CACNA2D1: variants seen among roughly 807,000 people sequenced by gnomAD.
The protein encoded by CACNA2D1 is calcium voltage-gated channel auxiliary subunit alpha2delta 1, also known as voltage-dependent calcium channel subunit alpha-2/delta-1.
A neutral mutation model predicts 171.5 loss-of-function variants in CACNA2D1; 53 were observed. That is an observed-to-expected ratio of 0.31 (90% confidence interval 0.25 to 0.39). The LOEUF is 0.39. Ranked by LOEUF, CACNA2D1 falls within the 10% of genes least tolerant of loss-of-function variation. CACNA2D1 has a pLI of 1.00. For synonymous variants in CACNA2D1, 442 were observed against 443.1 expected (o/e 1.00, Z 0.03); for missense variants, 903 against 1,299.8 (o/e 0.69, Z 4.69).
chr7:82,110,553 T>A (rs1293138922), intron 6 of CACNA2D1, among the ~76,000 whole-genome samples: 1 of 152,202 alleles, frequency 6.6e-6, no homozygotes, highest in Non-Finnish European at 1.5e-5. Context: ...TCAGAGTCTT[T>A]GCAATCGTCC....
At chr7:82,059,491 A>C (rs2131370468) in intron 10 of CACNA2D1, among the ~76,000 whole-genome samples, 1 of 151,480 alleles carries the variant, frequency 6.6e-6, no homozygotes, top group Middle Eastern at 3.4e-3. Flanking sequence ...TAATGAATAG[A>C]AAATGCCATA....
chr7:81,972,655 A>C (rs936291406), intron 25 of CACNA2D1, among the ~76,000 whole-genome samples: 3 of 151,942 alleles, frequency 2.0e-5, no homozygotes, highest in African/African-American at 7.2e-5. Flanking sequence ...TGTATTCTTA[A>C]ACAAAAACCT....
chr7:81,997,612 A>G (rs1798176260), intron 18 of CACNA2D1, among the ~76,000 whole-genome samples: 2 of 151,454 alleles, frequency 1.3e-5, no homozygotes, highest in Admixed American at 6.6e-5. Context: ...CATTTGGATG[A>G]CTTATTTGGT....
At chr7:82,305,835 C>T (rs1813662909) in intron 3 of CACNA2D1, among the ~76,000 whole-genome samples, 1 of 152,090 alleles carries the variant, frequency 6.6e-6, no homozygotes, top group Non-Finnish European at 1.5e-5. Flanking sequence ...GCAACGTAAC[C>T]AAAAGCTCTT....
At chr7:82,154,945 G>A (rs1794226725) in intron 4 of CACNA2D1, among the ~76,000 whole-genome samples, 1 of 152,182 alleles carries the variant, frequency 6.6e-6, no homozygotes, top group East Asian at 1.9e-4. Flanking sequence ...AGAGGTGACT[G>A]GATCATGGGG....
chr7:82,403,087 T>C (rs1205553438), intron 1 of CACNA2D1, among the ~76,000 whole-genome samples: 8 of 152,122 alleles, frequency 5.3e-5, no homozygotes, highest in African/African-American at 1.9e-4. Context: ...CTAAATGTTC[T>C]AACTTAGAAT....
intron 3 of CACNA2D1, among the ~76,000 whole-genome samples, chr7:82,330,018 T>C (rs767614613): frequency 1.3e-5 from 2 of 151,940 alleles, no homozygotes; most frequent in Non-Finnish European, 2.9e-5. Context: ...GCCTAATACA[T>C]AAGAGTCATC....
chr7:82,184,778 A>G (rs961026668), intron 3 of CACNA2D1, among the ~76,000 whole-genome samples: 2 of 152,196 alleles, frequency 1.3e-5, no homozygotes, highest in African/African-American at 4.8e-5. Context: ...TGTATGTTTT[A>G]CAGTTTATGA....
chr7:82,329,724 A>G (rs1214262424), intron 3 of CACNA2D1, among the ~76,000 whole-genome samples: 2 of 152,194 alleles, frequency 1.3e-5, no homozygotes, highest in African/African-American at 4.8e-5. Flanking sequence ...TATTAGTTAT[A>G]TAATCATTGC....
At chr7:82,197,137 C>T (rs912337664) in intron 3 of CACNA2D1, among the ~76,000 whole-genome samples, 6 of 151,690 alleles carry the variant, frequency 4.0e-5, no homozygotes, top group East Asian at 3.9e-4. Context: ...AAGGTTACAT[C>T]GTTGGATATG....
At chr7:81,950,595 C>T in intron 38 of CACNA2D1, 87 bp from the exon 39 acceptor site, 1 of 1,500,740 alleles carries the variant, frequency 6.7e-7, no homozygotes, top group South Asian at 1.3e-5. Context: ...TCAGAGTAAT[C>T]CATATTTAGT....
At chr7:82,060,190 T>A (rs71557112) in intron 10 of CACNA2D1, among the ~76,000 whole-genome samples, 7,011 of 12,390 alleles carry the variant, frequency 0.57, 1,844 homozygotes, top group South Asian at 0.71. Flanking sequence ...TATATATATA[T>A]TATATATATA....
At chr7:82,190,977 AC>A (rs1227064863) in intron 3 of CACNA2D1, among the ~76,000 whole-genome samples, 1 of 151,772 alleles carries the variant, frequency 6.6e-6, no homozygotes, top group East Asian at 1.9e-4. Context: ...TAAACAATTA[AC>A]TTTTAATAGG....
At chr7:81,986,332 G>C (rs1192751531) in intron 21 of CACNA2D1, among the ~76,000 whole-genome samples, 1 of 151,980 alleles carries the variant, frequency 6.6e-6, no homozygotes, top group Non-Finnish European at 1.5e-5. Context: ...ATGCTTTTGA[G>C]TATTTCCAGG....
chr7:82,185,482 GGA>G (rs1563172254), intron 3 of CACNA2D1, among the ~76,000 whole-genome samples: 1 of 28,270 alleles, frequency 3.5e-5, no homozygotes, highest in Non-Finnish European at 7.6e-5. Flanking sequence ...GGGGGGAGGG[GGA>G]GGAGGAGGGG....
chr7:81,981,133 C>T (rs377243471), intron 24 of CACNA2D1, among the ~76,000 whole-genome samples: 16 of 152,238 alleles, frequency 1.1e-4, no homozygotes, highest in African/African-American at 3.9e-4. Flanking sequence ...ATGAACCTAA[C>T]CTGTAGGCAG....
At chr7:82,293,191 C>T (rs1811867846) in intron 3 of CACNA2D1, among the ~76,000 whole-genome samples, 1 of 151,920 alleles carries the variant, frequency 6.6e-6, no homozygotes, top group Non-Finnish European at 1.5e-5. Flanking sequence ...TCTTGTTTTA[C>T]ACATGAAAGA....
At chr7:82,265,393 T>C (rs1206586846) in intron 3 of CACNA2D1, among the ~76,000 whole-genome samples, 1 of 150,972 alleles carries the variant, frequency 6.6e-6, no homozygotes, top group Non-Finnish European at 1.5e-5. Flanking sequence ...ATCTAATCTA[T>C]GCATATTAAC....
chr7:81,965,697 T>C, intron 31 of CACNA2D1, 32 bp from the exon 32 acceptor site: 1 of 1,320,500 alleles, frequency 7.6e-7, no homozygotes, highest in Non-Finnish European at 1.1e-6. Flanking sequence ...TTAACACATT[T>C]TTAGAAAGGT....
Sources: gnomAD v4.1 joint callset for allele counts (sites outside exome capture counted in the v4.1 genomes callset) on GRCh38, gnomAD v4.1.1 for gene constraint, MANE v1.5 for transcripts, NCBI Gene and HGNC (gene_info 2026-07-23, HGNC 2026-07-21) for gene names.